Variants in TRIM44 observed in about 807,000 individuals in gnomAD.
TRIM44 encodes tripartite motif-containing protein 44.
Under a neutral mutation model 37.4 loss-of-function variants are expected in TRIM44, and 13 were observed. The ratio of observed to expected loss-of-function variants is 0.35; its 90% CI spans 0.23 to 0.55. The LOEUF is 0.55. Ranked by LOEUF, TRIM44 falls within the 20% of genes least tolerant of loss-of-function variation. TRIM44 has a pLI of 0.89. For synonymous variants in TRIM44, 175 were observed against 157.2 expected (o/e 1.11, Z -0.85); for missense variants, 426 against 437.2 (o/e 0.97, Z 0.23).
chr11:35,767,661 A>G (rs1852816021), intron 4 of TRIM44, among the ~76,000 whole-genome samples: 1 of 152,148 alleles, frequency 6.6e-6, no homozygotes, highest in Non-Finnish European at 1.5e-5. Flanking sequence ...AAGAGAGGCA[A>G]CTTGATGTAA....
chr11:35,758,850 A>C (rs1852684305), intron 4 of TRIM44, among the ~76,000 whole-genome samples: 1 of 152,106 alleles, frequency 6.6e-6, no homozygotes, highest in African/African-American at 2.4e-5. Context: ...TGGCTTGTAG[A>C]GTTTCTGCCA....
chr11:35,701,278 C>T (rs561325809), intron 2 of TRIM44, among the ~76,000 whole-genome samples: 20 of 152,028 alleles, frequency 1.3e-4, no homozygotes, highest in South Asian at 6.2e-4. Flanking sequence ...CCCCCCGAAA[C>T]GGGGTCTTTT....
At chr11:35,683,176 A>C (rs941577809) in intron 1 of TRIM44, among the ~76,000 whole-genome samples, 3 of 152,178 alleles carry the variant, frequency 2.0e-5, no homozygotes, top group Admixed American at 1.3e-4. Context: ...TATGACCTCT[A>C]AGTTCCTTTT....
chr11:35,677,360 C>G (rs1324531964), intron 1 of TRIM44, among the ~76,000 whole-genome samples: 2 of 151,190 alleles, frequency 1.3e-5, no homozygotes, highest in Non-Finnish European at 2.9e-5. Context: ...AACTATTTTC[C>G]CCTTCTCTTT....
intron 4 of TRIM44, among the ~76,000 whole-genome samples, chr11:35,759,720 G>A (rs1852696511): frequency 6.6e-6 from 1 of 152,172 alleles, no homozygotes. Flanking sequence ...TAACAGTCAG[G>A]ACCCTCAGCT....
chr11:35,787,010 A>C (rs1180496125), intron 4 of TRIM44, among the ~76,000 whole-genome samples: 1 of 152,078 alleles, frequency 6.6e-6, no homozygotes, highest in Non-Finnish European at 1.5e-5. Flanking sequence ...TGATTTCCTT[A>C]AGTGCTTTTA....
chr11:35,709,180 A>G (rs1851934751), intron 2 of TRIM44, among the ~76,000 whole-genome samples: 1 of 152,146 alleles, frequency 6.6e-6, no homozygotes, highest in Admixed American at 6.5e-5. Context: ...TTGTAAATGC[A>G]CTTCAGTGCA....
At chr11:35,755,925 A>C (rs1852631516) in intron 4 of TRIM44, among the ~76,000 whole-genome samples, 1 of 152,018 alleles carries the variant, frequency 6.6e-6, no homozygotes, top group South Asian at 2.1e-4. Context: ...GTATAGTTTG[A>C]AGTCAGGTAG....
In TRIM44 at chr11:35,808,563, A is replaced by G. The variant is rs1385320854; in HGVS notation, c.*2178A>G. 1.3e-5 allele frequency: 2 copies of G among 152,188 alleles called. No homozygotes were observed. Among genetic ancestry groups the G allele is most frequent in the Non-Finnish European group, 2.9e-5 (2 of 68,026 alleles). 9.4% of individuals were successfully genotyped at this position (152,188 alleles called of 1,614,324 possible). On this transcript the variant is annotated 3_prime_UTR_variant, in exon 5 of 5. Coordinates refer to ENST00000299413, the MANE Select transcript of TRIM44 (RefSeq NM_017583.6). The stretch of plus-strand genomic sequence containing the variant: ...GAATCAGTATTTGGGAAATTCAAGC[A>G]TTTATGCAGTGGATATAAATGGAAA...
intron 4 of TRIM44, among the ~76,000 whole-genome samples, chr11:35,778,976 G>T (rs536757274): frequency 2.6e-5 from 4 of 152,296 alleles, no homozygotes; most frequent in Admixed American, 6.5e-5. Context: ...CTTCAAAGCT[G>T]TCAGACAGGG....
chr11:35,738,298 G>A (rs1200979259), intron 4 of TRIM44, among the ~76,000 whole-genome samples: 1 of 152,176 alleles, frequency 6.6e-6, no homozygotes, highest in East Asian at 1.9e-4. Context: ...TGAGATTCTG[G>A]CTTTAGAGTT....
At chr11:35,796,703 G>A (rs1018330010) in intron 4 of TRIM44, among the ~76,000 whole-genome samples, 1 of 152,180 alleles carries the variant, frequency 6.6e-6, no homozygotes, top group Non-Finnish European at 1.5e-5. Flanking sequence ...GCAGCACTGG[G>A]GGGAGGAAAG....
chr11:35,725,520 G>C (rs1241210686), intron 2 of TRIM44, among the ~76,000 whole-genome samples: 1 of 152,022 alleles, frequency 6.6e-6, no homozygotes. Flanking sequence ...ATTTTTAGTA[G>C]AGACAGGGTT....
intron 2 of TRIM44, among the ~76,000 whole-genome samples, chr11:35,721,287 A>G (rs1852103397): frequency 6.6e-6 from 1 of 152,220 alleles, no homozygotes; most frequent in Non-Finnish European, 1.5e-5. Flanking sequence ...TTTAAAAAAT[A>G]GTTTTTAAAA....
chr11:35,699,115 G>A (rs1466241575), intron 2 of TRIM44, among the ~76,000 whole-genome samples: 3 of 147,390 alleles, frequency 2.0e-5, no homozygotes, highest in Admixed American at 1.4e-4. Context: ...CATTATTTCT[G>A]AGGGTTCTGT....
intron 2 of TRIM44, among the ~76,000 whole-genome samples, chr11:35,719,694 C>G (rs1321927638): frequency 2.6e-5 from 4 of 152,096 alleles, no homozygotes; most frequent in Non-Finnish European, 5.9e-5. Context: ...ACATTGAGGT[C>G]CATAATCCAT....
intron 3 of TRIM44, among the ~76,000 whole-genome samples, chr11:35,727,402 A>T (rs1255015235): frequency 6.6e-6 from 1 of 152,342 alleles, no homozygotes; most frequent in African/African-American, 2.4e-5. Context: ...TAAACTGGCC[A>T]GTAGAAGAGC....
intron 4 of TRIM44, among the ~76,000 whole-genome samples, chr11:35,801,317 A>G (rs1853366089): frequency 6.6e-6 from 1 of 152,218 alleles, no homozygotes; most frequent in African/African-American, 2.4e-5. Flanking sequence ...TTCCTTGTCA[A>G]TACCTCTTAA....
chr11:35,793,873 T>TG (rs1853249025), intron 4 of TRIM44, among the ~76,000 whole-genome samples: 1 of 152,134 alleles, frequency 6.6e-6, no homozygotes, highest in Admixed American at 6.5e-5. Context: ...GTCTGTAAAA[T>TG]GGAGTGTTAA....
Sources: allele counts gnomAD v4.1 joint callset (sites outside exome capture counted in the v4.1 genomes callset), GRCh38; gene constraint gnomAD v4.1.1; transcripts MANE v1.5; gene names NCBI Gene and HGNC (gene_info 2026-07-23, HGNC 2026-07-21).